Variants in MEGF8 observed in about 807,000 individuals in gnomAD.
MEGF8 encodes the protein multiple epidermal growth factor-like domains protein 8.
MEGF8 carries 156 observed loss-of-function variants against 302.9 expected under a neutral mutation model. The ratio of observed to expected loss-of-function variants is 0.52; its 90% CI spans 0.45 to 0.59. The LOEUF (loss-of-function observed/expected upper bound fraction) is 0.59, where lower values mean the gene tolerates loss of function less well. Among genes scored for constraint, MEGF8 ranks in the 20% least tolerant of loss-of-function variants. The pLI is 0.00. For synonymous variants in MEGF8, 1,621 were observed against 1,660.5 expected (o/e 0.98, Z 0.58); for missense variants, 3,345 against 3,964.5 (o/e 0.84, Z 4.20).
intron 38 of MEGF8, 82 bp from the exon 39 acceptor site, chr19:42,370,107 A>G: frequency 1.4e-6 from 2 of 1,477,084 alleles, no homozygotes; most frequent in South Asian, 2.6e-5. Context: ...GTGGGCTCTC[A>G]GAACCTGCCC....
Position 42,344,417 on chromosome 19 carries a change from C to T in MEGF8, c.1789-24C>T. The T allele has an allele frequency of 6.4e-7, 1 of 1,560,548 alleles. No individual in the cohort carries two copies. The highest frequency in any genetic ancestry group is 1.8e-5 in the Admixed American group (1 of 55,446). ...CTCTTGAGCTCCAGTTGACAGTGAG[C>T]CCTTTCCCCTCTCCTCCTCGCAGTG... On this transcript the variant is annotated intron_variant, in intron 10 of 41. Coordinates refer to ENST00000251268, the MANE Select transcript of MEGF8 (RefSeq NM_001271938.2). This position sits in a 1 kb window ranked among gnomAD's most constrained non-coding sequence, Gnocchi z 4.5.
chr19:42,361,442 C>T (rs967417135), intron 32 of MEGF8, among the ~76,000 whole-genome samples: 3 of 152,198 alleles, frequency 2.0e-5, no homozygotes, highest in African/African-American at 4.8e-5. Flanking sequence ...CACTTCGCTG[C>T]CCAGTCACCC....
chr19:42,335,900 T>C, intron 5 of MEGF8, 31 bp from the exon 6 acceptor site: 1 of 1,447,150 alleles, frequency 6.9e-7, no homozygotes, highest in East Asian at 2.5e-5. Flanking sequence ...TTGCTGTGTC[T>C]CTACCTCTGT....
Position 42,336,715 on chromosome 19 carries a change from C to A in MEGF8, c.1245-92C>A. 1 of 1,498,210 alleles carries A rather than the reference C, an allele frequency of 6.7e-7. No homozygotes were observed. Among genetic ancestry groups the A allele is most frequent in the South Asian group, 1.4e-5 (1 of 72,380 alleles). The allele number at this position is 1,498,210 out of a possible 1,614,324, so 92.8% of individuals were successfully genotyped here. On this transcript the variant is annotated intron_variant, in intron 6 of 41. Transcript: ENST00000251268. The surrounding 1 kb of genome is among the most constrained non-coding windows in gnomAD (Gnocchi z 4.8). ...ACATAGAGTCAGTCATGGCCAGTCT[C>A]ATCCCTGGGTGATCACATGGCTCCT...
intron 8 of MEGF8, among the ~76,000 whole-genome samples, chr19:42,338,425 A>C (rs2039162876): frequency 1.3e-5 from 2 of 152,088 alleles, no homozygotes; most frequent in South Asian, 4.2e-4. Flanking sequence ...TATTTTTAGT[A>C]GAGACGAGGT....
chr19:42,336,801 C>A lies in MEGF8; in HGVS notation c.1245-6C>A. ...CTGAGCCCCTGCCCTGCTTCTCCTT[C>A]GGTAGGTTCTCTGTGCGAGTGAACT... On this transcript the variant is annotated splice_polypyrimidine_tract_variant and splice_region_variant and intron_variant, in intron 6 of 41. Coordinates refer to ENST00000251268, the MANE Select transcript of MEGF8 (RefSeq NM_001271938.2). This position sits in a 1 kb window ranked among gnomAD's most constrained non-coding sequence, Gnocchi z 4.8. The A allele has an allele frequency of 1.3e-6, 2 of 1,575,486 alleles. No individual in the cohort carries two copies. Among genetic ancestry groups the A allele is most frequent in the Non-Finnish European group, 1.7e-6 (2 of 1,161,206 alleles).
In MEGF8 at chr19:42,333,706, C is replaced by A. The variant is rs754995245; in HGVS notation, c.289C>A (p.Pro97Thr). ...GTATGACGGTGACTCCCCGCGAGGG[C>A]CGCTGCTTGCCAGTCTAAGTGGGAG... Reference protein sequence around the residue: ...FVYDGDSPRGPLLASLSGSTR... With the variant: ...FVYDGDSPRGTLLASLSGSTR... The change falls in exon 2 of 42, where the codon CCG becomes ACG. Residue 97 changes from proline to threonine, a missense_variant. Physicochemically the swap from Pro to Thr is conservative, Grantham distance 38. Coordinates refer to ENST00000251268, the MANE Select transcript of MEGF8 (RefSeq NM_001271938.2). 2 of 1,613,896 alleles carry A rather than the reference C, an allele frequency of 1.2e-6. No homozygotes were observed. The highest frequency in any genetic ancestry group is 4.5e-5 in the East Asian group (2 of 44,898).
At chr19:42,334,575 G>C (rs998712413) in intron 3 of MEGF8, among the ~76,000 whole-genome samples, 6 of 151,970 alleles carry the variant, frequency 3.9e-5, no homozygotes, top group South Asian at 2.1e-4. Flanking sequence ...CTGACCTTAC[G>C]CCGAAGCTGT....
chr19:42,329,100 G>C (rs1473806182), intron 1 of MEGF8, among the ~76,000 whole-genome samples: 3 of 152,204 alleles, frequency 2.0e-5, no homozygotes, highest in Non-Finnish European at 4.4e-5. Context: ...CTATGAAGAC[G>C]TGAGGGTGGC....
At chr19:42,343,890 C>A in intron 9 of MEGF8, 64 bp from the exon 10 acceptor site, 1 of 1,571,440 alleles carries the variant, frequency 6.4e-7, no homozygotes, top group East Asian at 2.3e-5. Context: ...GAGGCCGGCC[C>A]AGGTCTGAGA....
chr19:42,374,470 C>CAAAAA (rs58700897), intron 41 of MEGF8, among the ~76,000 whole-genome samples: 1 of 56,282 alleles, frequency 1.8e-5, no homozygotes, highest in Non-Finnish European at 3.9e-5. Flanking sequence ...GACTCTGTCT[C>CAAAAA]AAAAAAAAAA....
Position 42,356,851 on chromosome 19 carries a change from C to T in MEGF8, c.4700C>T (p.Ser1567Phe). ...EDGGPGPSPR[S>F]FHAAAYVPAG... The stretch of plus-strand genomic sequence containing the variant: ...GGGGGCCCAGGCCCATCGCCCCGCT[C>T]CTTCCATGCAGCCGCATATGTGCCC... Residue 1567 changes from serine (S) to phenylalanine (F), a missense_variant, in exon 27 of 42, where the codon TCC (serine) becomes TTC (phenylalanine). Ser to Phe is a radical substitution (Grantham distance 155). Transcript: ENST00000251268. The surrounding 1 kb of genome is among the most constrained non-coding windows in gnomAD (Gnocchi z 5.2). 1 of 1,579,108 alleles carries T rather than the reference C, an allele frequency of 6.3e-7. No homozygotes were observed. Among genetic ancestry groups the T allele is most frequent in the Middle Eastern group, 1.7e-4 (1 of 5,970 alleles).
rs1190024956 is a variant in MEGF8 at position 42,354,008 on chromosome 19, G to T, written c.3995G>T (p.Ser1332Ile). 1 of 1,587,182 alleles carries T rather than the reference G, an allele frequency of 6.3e-7. No individual in the cohort carries two copies. Among genetic ancestry groups the T allele is most frequent in the Non-Finnish European group, 8.6e-7 (1 of 1,167,360 alleles). Residue 1332 changes from serine to isoleucine, a missense_variant, in exon 22 of 42, where the codon AGC (serine) becomes ATC (isoleucine). Transcript: ENST00000251268. The surrounding 1 kb of genome is among the most constrained non-coding windows in gnomAD (Gnocchi z 4.3). The part of the protein sequence containing the change: ...PPLTLTFSPD[S>I]STPCTLSYVL... Reference sequence around the variant, plus strand: ...CTCACCCTCACCTTCTCCCCCGACAGCAGCACCCCCTGCACGGTGAGCACT... The same window carrying T: ...CTCACCCTCACCTTCTCCCCCGACATCAGCACCCCCTGCACGGTGAGCACT...
rs969187482 is a variant in MEGF8, at chr19:42,352,660, C to G, written c.3350+204C>G. The G allele has an allele frequency of 6.9e-6, 5 of 721,188 alleles. No homozygotes were observed. The African/African-American group carries it at 8.9e-5, about 13-fold the overall frequency. The allele number at this position is 721,188 out of a possible 1,614,324, so 44.7% of individuals were successfully genotyped here. On this transcript the variant is annotated intron_variant, in intron 19 of 41. Transcript: ENST00000251268. This position sits in a 1 kb window ranked among gnomAD's most constrained non-coding sequence, Gnocchi z 4.4. ...CTGGTTACCATGGAAATGGGGCACC[C>G]ATAGGCTGTGGGCCATAGTCTTCAG...
chr19:42,359,373 G>A, intron 31 of MEGF8, 131 bp downstream of exon 31: 1 of 772,852 alleles, frequency 1.3e-6, no homozygotes, highest in Non-Finnish European at 1.8e-6. Flanking sequence ...CGCTCTTCTG[G>A]ATTATCTGAA....
chr19:42,352,183 G>A lies in MEGF8; in HGVS notation c.3102-25G>A, dbSNP rs774836192. The A allele has an allele frequency of 9.0e-5, 134 of 1,488,162 alleles. No homozygotes were observed. Among genetic ancestry groups the A allele is most frequent in the Admixed American group, 1.7e-4 (7 of 40,466 alleles). The allele number at this position is 1,488,162 out of a possible 1,614,324, so 92.2% of individuals were successfully genotyped here. On this transcript the variant is annotated intron_variant, in intron 18 of 41. Transcript: ENST00000251268. This position sits in a 1 kb window ranked among gnomAD's most constrained non-coding sequence, Gnocchi z 4.4. ...GGCTCCTGTTTCTATGTTGTCCCCC[G>A]CTTCTTCACTCTCCCACCCTGCAGG... is the stretch of plus-strand genomic sequence containing the variant.
chr19:42,371,680 A>G (rs970660625), intron 41 of MEGF8, among the ~76,000 whole-genome samples, 198 bp downstream of exon 41: 3 of 152,154 alleles, frequency 2.0e-5, no homozygotes, highest in African/African-American at 7.2e-5. Flanking sequence ...GGACCAAGAT[A>G]TGAGCCTCTG....
In MEGF8 at chr19:42,352,389, C is replaced by T; in HGVS notation, c.3283C>T (p.Pro1095Ser). ...CCCGCGGGCGACCTGCCTGAACACGCCCCTCAGCTACGAGTGTCACTGCCA... is the reference window on the plus strand; with the variant it reads ...CCCGCGGGCGACCTGCCTGAACACGTCCCTCAGCTACGAGTGTCACTGCCA... ...CHPRATCLNT[P>S]LSYECHCQRG... is the part of the protein sequence containing the mutation. The change falls in exon 19 of 42, where the codon CCC (proline) becomes TCC (serine). Residue 1095 changes from proline to serine, a missense_variant. Pro to Ser is a moderately conservative substitution (Grantham distance 74). Coordinates refer to ENST00000251268, the MANE Select transcript of MEGF8 (RefSeq NM_001271938.2). This position sits in a 1 kb window ranked among gnomAD's most constrained non-coding sequence, Gnocchi z 4.4. 1 of 1,594,752 alleles carries T rather than the reference C, an allele frequency of 6.3e-7. No individual in the cohort carries two copies. The highest frequency in any genetic ancestry group is 8.5e-7 in the Non-Finnish European group (1 of 1,171,336).
At chr19:42,362,976 G>A in intron 34 of MEGF8, 72 bp from the exon 35 acceptor site, 1 of 1,328,696 alleles carries the variant, frequency 7.5e-7, no homozygotes, top group Non-Finnish European at 1.1e-6. Flanking sequence ...TGAGCTCCTG[G>A]GTCTGAGGGA....
Sources: allele counts gnomAD v4.1 joint callset (sites outside exome capture counted in the v4.1 genomes callset), GRCh38; gene constraint gnomAD v4.1.1; non-coding constraint Gnocchi (gnomAD v3.1); transcripts MANE v1.5; gene names NCBI Gene and HGNC (gene_info 2026-07-23, HGNC 2026-07-21).